Variants in CLEC9A observed in about 807,000 individuals in gnomAD.
CLEC9A encodes the protein C-type lectin domain containing 9A.
A neutral mutation model predicts 30.0 loss-of-function variants in CLEC9A; 24 were observed. That is an observed-to-expected ratio of 0.80 (90% CI 0.58 to 1.13). The LOEUF (loss-of-function observed/expected upper bound fraction) is 1.13, where lower values mean the gene tolerates loss of function less well. Ranked by LOEUF, CLEC9A falls within the 50% of genes most tolerant of loss-of-function variation. The probability of loss-of-function intolerance (pLI) is 0.00; values close to 1 mark genes in which losing one functional copy is unlikely to be tolerated. For missense variants in CLEC9A, 251 were observed against 280.9 expected (o/e 0.89, Z 0.76); for synonymous variants, 111 against 96.8 (o/e 1.15, Z -0.86).
chr12:10,058,820 C>T (rs1865967753), intron 5 of CLEC9A, among the ~76,000 whole-genome samples: 1 of 152,220 alleles, frequency 6.6e-6, no homozygotes, highest in African/African-American at 2.4e-5. Flanking sequence ...GCTGGGAGTA[C>T]AGGCGAGAGC....
intron 2 of CLEC9A, among the ~76,000 whole-genome samples, chr12:10,050,504 T>A (rs1457793247): frequency 6.6e-6 from 1 of 152,234 alleles, no homozygotes; most frequent in East Asian, 1.9e-4. Context: ...TCAAAATAAT[T>A]CATGTATAAG....
chr12:10,057,646 T>C (rs1865954868), intron 5 of CLEC9A, among the ~76,000 whole-genome samples: 1 of 151,920 alleles, frequency 6.6e-6, no homozygotes, highest in African/African-American at 2.4e-5. Context: ...GACATTTATA[T>C]AAAAATATGG....
At chr12:10,060,894 G>A (rs1865990726) in intron 5 of CLEC9A, 1 of 398,552 alleles carries the variant, frequency 2.5e-6, no homozygotes, top group Admixed American at 5.0e-5. Context: ...AAATCTGGTT[G>A]TTTGGGGGTA....
At chr12:10,040,120 A>G (rs12425490) in intron 1 of CLEC9A, among the ~76,000 whole-genome samples, 4,912 of 152,264 alleles carry the variant, frequency 0.032, 120 homozygotes, top group Admixed American at 0.084. Context: ...ACCTTGCCCA[A>G]TCTTATCACA....
At chr12:10,058,964 C>T (rs1865969836) in intron 5 of CLEC9A, among the ~76,000 whole-genome samples, 1 of 152,160 alleles carries the variant, frequency 6.6e-6, no homozygotes, top group Admixed American at 6.6e-5. Flanking sequence ...CTATTTCTCT[C>T]TAAAAGAGGA....
chr12:10,051,442 A>G (rs938912321), intron 2 of CLEC9A, among the ~76,000 whole-genome samples: 1 of 152,074 alleles, frequency 6.6e-6, no homozygotes, highest in African/African-American at 2.4e-5. Flanking sequence ...AACATTTTCA[A>G]CTTAATTCTT....
At chr12:10,045,345 T>A (rs1422944666) in intron 2 of CLEC9A, 1 of 153,312 alleles carries the variant, frequency 6.5e-6, no homozygotes, top group Admixed American at 6.5e-5. Flanking sequence ...GGTTGGGAGC[T>A]ACTCAACAAT....
At chr12:10,053,833 A>G (rs1479357151) in intron 4 of CLEC9A, among the ~76,000 whole-genome samples, 4 of 152,210 alleles carry the variant, frequency 2.6e-5, no homozygotes, top group Non-Finnish European at 5.9e-5. Context: ...GTATATATTT[A>G]AAATGTGTAT....
chr12:10,061,236 A>G lies in CLEC9A; in HGVS notation c.282A>G (p.Lys94=). ...AGAGAAGCTGTGCCCTTCAGATGAA[A>G]TATTGCCAAGCCTTCATGCAAAACT... is the stretch of plus-strand genomic sequence containing the variant. ...EWKRSCALQM[K]YCQAFMQNSL... Residue 94 remains lysine, a synonymous_variant, in exon 6 of 9, where the codon AAA becomes AAG. Coordinates refer to ENST00000355819, the MANE Select transcript of CLEC9A (RefSeq NM_207345.4). 3.7e-6 allele frequency: 6 copies of G among 1,612,262 alleles called. No individual in the cohort carries two copies. Among genetic ancestry groups the G allele is most frequent in the Non-Finnish European group, 5.1e-6 (6 of 1,179,460 alleles).
At chr12:10,061,720 C>T (rs1231799797) in intron 6 of CLEC9A, among the ~76,000 whole-genome samples, 3 of 152,108 alleles carry the variant, frequency 2.0e-5, no homozygotes, top group Admixed American at 6.5e-5. Flanking sequence ...AATTCTTTTA[C>T]GATGCAGGAC....
chr12:10,056,889 T>C (rs1378256998), intron 5 of CLEC9A, among the ~76,000 whole-genome samples: 1 of 152,112 alleles, frequency 6.6e-6, no homozygotes, highest in Admixed American at 6.5e-5. Flanking sequence ...AGTTTTTGCT[T>C]TTTAAATTTT....
At chr12:10,051,553 A>G (rs1302799350) in intron 2 of CLEC9A, among the ~76,000 whole-genome samples, 3 of 152,196 alleles carry the variant, frequency 2.0e-5, no homozygotes, top group African/African-American at 7.2e-5. Context: ...AAATGCCCTT[A>G]GATTACCCCT....
chr12:10,065,260 G>C (rs758769570), intron 8 of CLEC9A, among the ~76,000 whole-genome samples: 22 of 152,086 alleles, frequency 1.4e-4, no homozygotes, highest in East Asian at 1.9e-4. Context: ...TCTAATTTAG[G>C]GACTGTCTTT....
intron 1 of CLEC9A, among the ~76,000 whole-genome samples, chr12:10,034,529 A>G (rs1422314243): frequency 6.6e-6 from 1 of 152,154 alleles, no homozygotes; most frequent in East Asian, 1.9e-4. Flanking sequence ...ATGTTTCTTT[A>G]CTATCTGTGC....
intron 5 of CLEC9A, 48 bp from the exon 6 acceptor site, chr12:10,061,079 G>C: frequency 6.3e-7 from 1 of 1,587,018 alleles, no homozygotes; most frequent in Middle Eastern, 1.7e-4. Flanking sequence ...GGATTATTTT[G>C]CTATAAAATG....
At chr12:10,046,892 C>T (rs377303150) in intron 2 of CLEC9A, among the ~76,000 whole-genome samples, 5 of 152,102 alleles carry the variant, frequency 3.3e-5, no homozygotes, top group African/African-American at 1.2e-4. Context: ...AACTCTATTT[C>T]CTCATCTATG....
At chr12:10,064,366 C>T (rs909651851) in intron 7 of CLEC9A, among the ~76,000 whole-genome samples, 9 of 152,126 alleles carry the variant, frequency 5.9e-5, no homozygotes, top group South Asian at 2.1e-4. Flanking sequence ...TCTACATCGA[C>T]GTATACTGAG....
intron 5 of CLEC9A, 178 bp from the exon 6 acceptor site, chr12:10,060,949 C>T: frequency 1.6e-6 from 1 of 642,184 alleles, no homozygotes; most frequent in Non-Finnish European, 2.4e-6. Flanking sequence ...ACATTTTGTT[C>T]CACGTCTTTT....
chr12:10,052,673 C>G lies in CLEC9A; in HGVS notation c.-15C>G, dbSNP rs1321588909. On this transcript the variant is annotated 5_prime_UTR_variant, in exon 4 of 9. It adds an upstream start codon to the 5' untranslated region. Transcript: ENST00000355819. ...CCTCCTGTGTGGACTGCTTTCCTAT[C>G]AAAGCACCTTAGACATGCACGAGGA... is the stretch of plus-strand genomic sequence containing the variant. 6.2e-7 allele frequency: 1 copy of G among 1,613,374 alleles called. No homozygotes were observed. Among genetic ancestry groups the G allele is most frequent in the Non-Finnish European group, 8.5e-7 (1 of 1,179,608 alleles).
Sources: gnomAD v4.1 joint callset for allele counts (sites outside exome capture counted in the v4.1 genomes callset) on GRCh38, gnomAD v4.1.1 for gene constraint, MANE v1.5 for transcripts, NCBI Gene and HGNC (gene_info 2026-07-23, HGNC 2026-07-21) for gene names.